Variants in PLEKHA3 observed in about 807,000 individuals in gnomAD.
The protein encoded by PLEKHA3 is pleckstrin homology domain-containing family A member 3.
A neutral mutation model predicts 39.2 loss-of-function variants in PLEKHA3; 19 were observed. The ratio of observed to expected loss-of-function variants is 0.48; its 90% CI spans 0.34 to 0.71. The LOEUF (loss-of-function observed/expected upper bound fraction) is 0.71. Among genes scored for constraint, PLEKHA3 ranks in the 30% least tolerant of loss-of-function variants. The pLI, the probability that PLEKHA3 is intolerant of heterozygous loss-of-function variation, is 0.01. For missense variants in PLEKHA3, 253 were observed against 359.5 expected (o/e 0.70, Z 2.40); for synonymous variants, 97 against 118.6 (o/e 0.82, Z 1.18).
intron 2 of PLEKHA3, among the ~76,000 whole-genome samples, chr2:178,487,405 A>G (rs1193702291): frequency 6.7e-6 from 1 of 148,888 alleles, no homozygotes; most frequent in Non-Finnish European, 1.5e-5. Context: ...CAAGAAGAGA[A>G]TCTTTTTCTT....
intron 4 of PLEKHA3, 63 bp from the exon 5 acceptor site, chr2:178,495,433 A>C: frequency 7.0e-7 from 1 of 1,436,330 alleles, no homozygotes; most frequent in African/African-American, 1.4e-5. Context: ...TTTAATGATA[A>C]GGTTGTATAT....
intron 4 of PLEKHA3, among the ~76,000 whole-genome samples, chr2:178,494,731 T>C (rs1312874078): frequency 6.6e-6 from 1 of 152,114 alleles, no homozygotes; most frequent in East Asian, 1.9e-4. Flanking sequence ...CACTCTGCCA[T>C]TCTTGGTGTG....
chr2:178,482,409 C>T (rs1224422294), intron 1 of PLEKHA3, among the ~76,000 whole-genome samples: 1 of 151,982 alleles, frequency 6.6e-6, no homozygotes, highest in Non-Finnish European at 1.5e-5. Flanking sequence ...TGTGGTAGTG[C>T]ACACCTGTAG....
intron 7 of PLEKHA3, among the ~76,000 whole-genome samples, chr2:178,501,890 G>A (rs915658790): frequency 6.6e-6 from 1 of 151,926 alleles, no homozygotes; most frequent in African/African-American, 2.4e-5. Flanking sequence ...TAGAAACTAT[G>A]TACAATTTCC....
chr2:178,510,773 T>TACAGAGTGAACCAACAAG lies in PLEKHA3; in HGVS notation c.*6886_*6887insACAGAGTGAACCAACAAG. On this transcript the variant is annotated 3_prime_UTR_variant, in exon 8 of 8. Transcript: ENST00000234453. ...TCCCATCACTGTATCCATAACCTCT[T>TACAGAGTGAACCAACAAG]GTAAATAGTTGTACACCTTTCAGAA... 1 of 152,694 alleles carries TACAGAGTGAACCAACAAG rather than the reference T, an allele frequency of 6.5e-6. No homozygotes were observed. 9.5% of individuals were successfully genotyped at this position (152,694 alleles called of 1,614,324 possible).
intron 6 of PLEKHA3, 22 bp from the exon 7 acceptor site, chr2:178,501,039 A>G: frequency 6.6e-7 from 1 of 1,512,658 alleles, no homozygotes; most frequent in Admixed American, 1.8e-5. Context: ...TTACAATTTA[A>G]TGCTTTTTAC....
At chr2:178,494,016 G>A (rs1198254753) in intron 4 of PLEKHA3, 27 bp downstream of exon 4, 1 of 1,608,306 alleles carries the variant, frequency 6.2e-7, no homozygotes, top group Non-Finnish European at 8.5e-7. Context: ...CTCTTCACGT[G>A]TGGTTATGCT....
At position 178,506,422 on chromosome 2, in the gene PLEKHA3, T is replaced by C. The variant is rs1161748998; in HGVS notation, c.*2535T>C. ...GCTGAATTTGAATTTTCTTACATCA[T>C]ATGGGATTATTGCATGATCTTCAGT... is the stretch of plus-strand genomic sequence containing the variant. On this transcript the variant is annotated 3_prime_UTR_variant, in exon 8 of 8. Coordinates refer to ENST00000234453, the MANE Select transcript of PLEKHA3 (RefSeq NM_019091.4). 6.6e-6 allele frequency: 1 copy of C among 152,206 alleles called. No individual in the cohort carries two copies. Among genetic ancestry groups the C allele is most frequent in the Non-Finnish European group, 1.5e-5 (1 of 68,024 alleles). The allele number at this position is 152,206 out of a possible 1,614,324, so 9.4% of individuals were successfully genotyped here.
rs1156382801 is a variant in PLEKHA3 at position 178,513,415 on chromosome 2, A to G, written c.*9528A>G. 1 of 152,070 alleles carries G rather than the reference A, an allele frequency of 6.6e-6. No homozygotes were observed. Among genetic ancestry groups the G allele is most frequent in the Non-Finnish European group, 1.5e-5 (1 of 68,008 alleles). The allele number at this position is 152,070 out of a possible 1,614,324, so 9.4% of individuals were successfully genotyped here. ...CAGTTGAACAATTCTGACCCCTATT[A>G]TTGTTGGCTGGACAGGCATTTTCTT... On this transcript the variant is annotated 3_prime_UTR_variant, in exon 8 of 8. Coordinates refer to ENST00000234453, the MANE Select transcript of PLEKHA3 (RefSeq NM_019091.4).
chr2:178,485,242 G>A (rs1685230706), intron 1 of PLEKHA3, among the ~76,000 whole-genome samples: 1 of 152,156 alleles, frequency 6.6e-6, no homozygotes, highest in Non-Finnish European at 1.5e-5. Flanking sequence ...GATACTATAG[G>A]TAAGGCTAGA....
At chr2:178,490,941 A>G in intron 3 of PLEKHA3, 127 bp downstream of exon 3, 2 of 686,304 alleles carry the variant, frequency 2.9e-6, no homozygotes, top group Non-Finnish European at 4.5e-6. Context: ...ATTTACGTAT[A>G]TCTTTATCAT....
chr2:178,496,480 TC>T (rs1685448450), intron 5 of PLEKHA3, among the ~76,000 whole-genome samples: 1 of 151,736 alleles, frequency 6.6e-6, no homozygotes, highest in Non-Finnish European at 1.5e-5. Context: ...TCTAACTTCT[TC>T]CTAGGTTCTC....
In PLEKHA3 at chr2:178,480,710, A is replaced by G. The variant is rs1685143569; in HGVS notation, c.-160A>G. ...CGCTGCGCCCGCTGTCCCGGCCTCT[A>G]AAGGCCGCCACGTCCCTGCGGCGCG... On this transcript the variant is annotated 5_prime_UTR_variant, in exon 1 of 8. An upstream open reading frame in the 5' UTR loses its in-frame stop. Coordinates refer to ENST00000234453, the MANE Select transcript of PLEKHA3 (RefSeq NM_019091.4). 2.1e-6 allele frequency: 1 copy of G among 471,962 alleles called. No individual in the cohort carries two copies. Among genetic ancestry groups the G allele is most frequent in the Admixed American group, 4.7e-5 (1 of 21,184 alleles). 29.2% of individuals were successfully genotyped at this position (471,962 alleles called of 1,614,324 possible).
rs35052196 is a variant in PLEKHA3, at chr2:178,507,658, GTTTT to G, written c.*3804_*3807del. 10 of 28,816 alleles carry G rather than the reference GTTTT, an allele frequency of 3.5e-4. No homozygotes were observed. Among genetic ancestry groups the G allele is most frequent in the East Asian group, 2.3e-3 (3 of 1,296 alleles). 1.8% of individuals were successfully genotyped at this position (28,816 alleles called of 1,614,324 possible). On this transcript the variant is annotated 3_prime_UTR_variant, in exon 8 of 8. Transcript: ENST00000234453. Reference sequence around the variant, plus strand: ...CCTTTAGTTTTTAGTCTCACATTAGGTTTTTTTTTTTTTTTTTTTTTTTTTTTTT... The same window carrying G: ...CCTTTAGTTTTTAGTCTCACATTAGGTTTTTTTTTTTTTTTTTTTTTTTTT...
Position 178,485,929 on chromosome 2 carries a change from G to GT in PLEKHA3, c.157+177dup, listed in dbSNP as rs576080414. Reference sequence around the variant, plus strand: ...ATCACAGTTAACACAATTAAACACAGTTTTTGATAATTCTCCCTCTACAAA... The same window carrying GT: ...ATCACAGTTAACACAATTAAACACAGTTTTTTGATAATTCTCCCTCTACAAA... On this transcript the variant is annotated intron_variant, in intron 2 of 7. Transcript: ENST00000234453. Among the ~76,000 whole-genome samples, 51 of 152,286 alleles carry GT rather than the reference G, an allele frequency of 3.3e-4. 1 individual carries two copies. Among genetic ancestry groups the GT allele is most frequent in the South Asian group, 6.2e-4 (3 of 4,824 alleles).
chr2:178,497,636 C>T (rs1384985926), intron 5 of PLEKHA3, among the ~76,000 whole-genome samples: 1 of 152,110 alleles, frequency 6.6e-6, no homozygotes, highest in African/African-American at 2.4e-5. Flanking sequence ...ATGCTATAAA[C>T]TGTTAATTAA....
chr2:178,481,597 GGGCC>G (rs1351176103), intron 1 of PLEKHA3, among the ~76,000 whole-genome samples: 3 of 152,184 alleles, frequency 2.0e-5, no homozygotes, highest in Non-Finnish European at 4.4e-5. Flanking sequence ...CAGCAGGAAA[GGGCC>G]CCTTACCATG....
Position 178,480,594 on chromosome 2 carries a change from T to C in PLEKHA3, c.-276T>C, listed in dbSNP as rs934941774. On this transcript the variant is annotated 5_prime_UTR_variant, in exon 1 of 8. Coordinates refer to ENST00000234453, the MANE Select transcript of PLEKHA3 (RefSeq NM_019091.4). ...TGCGGAAGCGCGAGCAGGAGGCCGG[T>C]CGCGGGCGCATTTTTGCCGTTGTCG... is the stretch of plus-strand genomic sequence containing the variant. The C allele has an allele frequency of 3.6e-6, 1 of 276,512 alleles. No homozygotes were observed. Among genetic ancestry groups the C allele is most frequent in the Non-Finnish European group, 6.7e-6 (1 of 148,290 alleles). 17.1% of individuals were successfully genotyped at this position (276,512 alleles called of 1,614,324 possible).
rs560747948 is a variant in PLEKHA3, at chr2:178,515,053, T to C, written c.*11166T>C. ...ATAACATTCTCTCTCTTTTTTTTTT[T>C]TTTTTTTTGTAGCATATGGCTTCCT... On this transcript the variant is annotated 3_prime_UTR_variant, in exon 8 of 8. Coordinates refer to ENST00000234453, the MANE Select transcript of PLEKHA3 (RefSeq NM_019091.4). 1.1e-3 allele frequency: 161 copies of C among 151,770 alleles called. No homozygotes were observed. Among genetic ancestry groups the C allele is most frequent in the African/African-American group, 3.7e-3 (155 of 41,398 alleles). The allele number at this position is 151,770 out of a possible 1,614,324, so 9.4% of individuals were successfully genotyped here.
Sources: allele counts gnomAD v4.1 joint callset (sites outside exome capture counted in the v4.1 genomes callset), GRCh38; gene constraint gnomAD v4.1.1; transcripts MANE v1.5; gene names NCBI Gene and HGNC (gene_info 2026-07-23, HGNC 2026-07-21).